The following SOX6 variants were observed in gnomAD, a reference collection of about 807,000 sequenced individuals.
The protein encoded by SOX6 is SRY-box transcription factor 6, also known as transcription factor SOX-6.
Under a neutral mutation model 97.8 loss-of-function variants are expected in SOX6, and 11 were observed. The ratio of observed to expected loss-of-function variants is 0.11; its 90% CI spans 0.07 to 0.19. The LOEUF (loss-of-function observed/expected upper bound fraction) is 0.19. Among genes scored for constraint, SOX6 ranks in the 10% least tolerant of loss-of-function variants. The probability of loss-of-function intolerance (pLI) is 1.00; values close to 1 mark genes in which losing one functional copy is unlikely to be tolerated. For synonymous variants in SOX6, 360 were observed against 371.4 expected, an observed-to-expected ratio of 0.97 and a Z score of 0.35; for missense variants, 810 against 1,039.5, an observed-to-expected ratio of 0.78 and a Z score of 3.04.
intron 1 of SOX6, among the ~76,000 whole-genome samples, chr11:16,450,213 C>T (rs1503445): frequency 1 from 151,552 of 152,300 alleles, 75,409 homozygotes; most frequent in Middle Eastern, 1. Flanking sequence ...AGTCATATGC[C>T]TTAAAAAAGG....
intron 3 of SOX6, among the ~76,000 whole-genome samples, chr11:16,270,600 G>A (rs542526057): frequency 1.3e-5 from 2 of 150,198 alleles, no homozygotes; most frequent in African/African-American, 4.9e-5. Context: ...AACAAACCAA[G>A]TGCCCATCAA....
intron 6 of SOX6, among the ~76,000 whole-genome samples, chr11:16,145,084 C>T (rs929139696): frequency 1.8e-4 from 28 of 152,112 alleles, no homozygotes; most frequent in African/African-American, 6.8e-4. Context: ...TGATGAACAT[C>T]AATGCAAAAA....
At chr11:16,105,685 T>C (rs963094886) in intron 7 of SOX6, among the ~76,000 whole-genome samples, 3 of 152,112 alleles carry the variant, frequency 2.0e-5, no homozygotes, top group African/African-American at 7.2e-5. Context: ...TGCTATTCAG[T>C]CTTGTAGTGG....
chr11:16,689,710 G>A (rs1237140469), intron 3 of SOX6, among the ~76,000 whole-genome samples: 3 of 152,008 alleles, frequency 2.0e-5, no homozygotes, highest in Non-Finnish European at 4.4e-5. Flanking sequence ...ATAGGTTTTG[G>A]TATAAAATGC....
intron 3 of SOX6, among the ~76,000 whole-genome samples, chr11:16,642,051 T>C (rs921764610): frequency 6.6e-5 from 10 of 152,224 alleles, no homozygotes; most frequent in Non-Finnish European, 1.2e-4. Flanking sequence ...GTACTGGTTG[T>C]TCCTTTCCAT....
intron 3 of SOX6, among the ~76,000 whole-genome samples, chr11:16,712,121 A>C (rs1019330893): frequency 4.2e-5 from 6 of 142,522 alleles, no homozygotes; most frequent in African/African-American, 1.3e-4. Context: ...ACACACACAC[A>C]CCACAGTTTC....
intron 1 of SOX6, among the ~76,000 whole-genome samples, chr11:16,348,460 C>CA (rs1164444151): frequency 6.6e-6 from 1 of 151,878 alleles, no homozygotes; most frequent in African/African-American, 2.4e-5. Flanking sequence ...TCTTCTTCCC[C>CA]AAAAAAGGAG....
At chr11:16,161,867 C>T (rs1364672878) in intron 6 of SOX6, among the ~76,000 whole-genome samples, 1 of 152,250 alleles carries the variant, frequency 6.6e-6, no homozygotes, top group Non-Finnish European at 1.5e-5. Flanking sequence ...TGGCAGGAGG[C>T]TAAAGTTAAG....
intron 3 of SOX6, among the ~76,000 whole-genome samples, chr11:16,659,394 A>T (rs1847748776): frequency 6.6e-6 from 1 of 152,070 alleles, no homozygotes; most frequent in African/African-American, 2.4e-5. Flanking sequence ...TGTTTCATTG[A>T]TTTATTTGTC....
At chr11:16,095,820 T>A (rs1372600348) in intron 9 of SOX6, among the ~76,000 whole-genome samples, 176 bp downstream of exon 9, 1 of 151,638 alleles carries the variant, frequency 6.6e-6, no homozygotes, top group Admixed American at 6.6e-5. Context: ...ATTTGCTTTT[T>A]TCTCTGAAAG....
intron 6 of SOX6, among the ~76,000 whole-genome samples, chr11:16,137,505 T>C (rs546792917): frequency 1.1e-3 from 169 of 152,232 alleles, no homozygotes; most frequent in African/African-American, 3.7e-3. Flanking sequence ...TAATAAAAAG[T>C]CCATTGTTTA....
chr11:16,234,488 T>C, intron 4 of SOX6, 94 bp downstream of exon 4: 1 of 733,992 alleles, frequency 1.4e-6, no homozygotes, highest in South Asian at 1.6e-5. Context: ...CATGTAAGAT[T>C]TACTGTTACA....
intron 4 of SOX6, among the ~76,000 whole-genome samples, chr11:16,501,317 G>A (rs955721204): frequency 2.0e-5 from 3 of 146,844 alleles, no homozygotes; most frequent in African/African-American, 7.3e-5. Flanking sequence ...ATTCAAGATG[G>A]ATTAAAGACT....
At chr11:16,435,199 ATATT>A (rs1254686921) in intron 1 of SOX6, among the ~76,000 whole-genome samples, 1 of 152,190 alleles carries the variant, frequency 6.6e-6, no homozygotes, top group Admixed American at 6.6e-5. Flanking sequence ...TTGCATATGT[ATATT>A]TATTTCTGTG....
chr11:16,007,156 A>G (rs1047929155), intron 13 of SOX6, among the ~76,000 whole-genome samples: 10 of 152,152 alleles, frequency 6.6e-5, no homozygotes, highest in African/African-American at 2.2e-4. Context: ...TTGTACAAAC[A>G]TCATAGAATG....
intron 3 of SOX6, among the ~76,000 whole-genome samples, chr11:16,686,438 C>T (rs1168806764): frequency 6.6e-6 from 1 of 152,192 alleles, no homozygotes; most frequent in Admixed American, 6.5e-5. Context: ...TATGTCATCA[C>T]TCTCAAGCTC....
intron 6 of SOX6, among the ~76,000 whole-genome samples, chr11:16,125,400 G>GA (rs1849584848): frequency 6.6e-6 from 1 of 151,946 alleles, no homozygotes; most frequent in Non-Finnish European, 1.5e-5. Flanking sequence ...ATTTTCTATG[G>GA]AAAAAAATAA....
At chr11:16,718,205 A>G (rs1017492496) in intron 2 of SOX6, among the ~76,000 whole-genome samples, 4 of 151,718 alleles carry the variant, frequency 2.6e-5, no homozygotes, top group African/African-American at 9.7e-5. Flanking sequence ...CAATCCCCCA[A>G]TAACCTCCAT....
intron 2 of SOX6, among the ~76,000 whole-genome samples, chr11:16,725,491 C>A (rs536054280): frequency 6.6e-6 from 1 of 151,624 alleles, no homozygotes; most frequent in South Asian, 2.1e-4. Flanking sequence ...AGAGTGAGAC[C>A]CTGTCTTAAA....
Sources: allele counts gnomAD v4.1 joint callset (sites outside exome capture counted in the v4.1 genomes callset), GRCh38; gene constraint gnomAD v4.1.1; transcripts MANE v1.5; gene names NCBI Gene and HGNC (gene_info 2026-07-23, HGNC 2026-07-21).